The following CNTNAP3B variants were observed in gnomAD, a reference collection of about 807,000 sequenced individuals.
CNTNAP3B encodes contactin associated protein family member 3B.
Under a neutral mutation model 108.9 loss-of-function variants are expected in CNTNAP3B, and 25 were observed. The observed-to-expected ratio is 0.23, with a 90% confidence interval of 0.17 to 0.32. The LOEUF is 0.32. CNTNAP3B is among the 10% of genes least tolerant of loss of function. The probability of loss-of-function intolerance (pLI) is 1.00; values close to 1 mark genes in which losing one functional copy is unlikely to be tolerated. For missense variants in CNTNAP3B, 252 were observed against 1,210.4 expected (o/e 0.21, Z 11.75); for synonymous variants, 103 against 473.4 (o/e 0.22, Z 10.16).
rs192759571 is a variant in CNTNAP3B, at chr9:42,107,953, C to T, written c.86-3214G>A. 8.8e-5 allele frequency among the ~76,000 whole-genome samples: 10 copies of T among 113,178 alleles called. 2 individuals are homozygous for T. The highest frequency in any genetic ancestry group is 2.9e-4 in the South Asian group (1 of 3,492). The allele number at this position is 113,178 out of a possible 152,430, so 74.2% of individuals were successfully genotyped here. A position where few individuals can be genotyped will look rare whatever the true frequency, so the allele number is the denominator to read the frequency against. On this transcript the variant is annotated intron_variant, in intron 1 of 23. Transcript: ENST00000377561. ...TGGTGCCAGTACACTCTAGGCTGGGCGACAGAGAAAGACTCCGTCTTAAAA... is the reference window on the plus strand; with the variant it reads ...TGGTGCCAGTACACTCTAGGCTGGGTGACAGAGAAAGACTCCGTCTTAAAA...
intron 3 of CNTNAP3B, among the ~76,000 whole-genome samples, chr9:42,035,806 T>C (rs1424071253): frequency 4.0e-5 from 6 of 149,038 alleles, no homozygotes; most frequent in African/African-American, 1.5e-4. Context: ...TACAGGTGTG[T>C]GCCACTATGC....
intron 2 of CNTNAP3B, among the ~76,000 whole-genome samples, chr9:42,099,831 A>AT (rs1297178738): frequency 1.4e-5 from 1 of 73,718 alleles, no homozygotes; most frequent in East Asian, 7.2e-4. Flanking sequence ...AAGCATATAT[A>AT]TTTTTTAATT....
chr9:41,940,236 C>T (rs1313770385), intron 13 of CNTNAP3B, among the ~76,000 whole-genome samples: 1 of 152,416 alleles, frequency 6.6e-6, no homozygotes, highest in East Asian at 1.9e-4. Context: ...TACAAACCCA[C>T]AGATTTAGGA....
intron 13 of CNTNAP3B, among the ~76,000 whole-genome samples, chr9:41,952,195 C>T (rs1288835583): frequency 6.6e-6 from 1 of 152,238 alleles, no homozygotes; most frequent in African/African-American, 2.4e-5. Flanking sequence ...TCATACACCA[C>T]TTTCCAACTT....
chr9:42,003,718 A>G (rs1826046818), intron 4 of CNTNAP3B, among the ~76,000 whole-genome samples: 1 of 137,868 alleles, frequency 7.3e-6, no homozygotes, highest in Admixed American at 7.3e-5. Context: ...CTAGCACTTT[A>G]GGAGGCAAAG....
rs1361508898 is a variant in CNTNAP3B at position 42,119,486 on chromosome 9, G to A, written c.85+9524C>T. On this transcript the variant is annotated intron_variant, in intron 1 of 23. Transcript: ENST00000377561. ...CAGAATTGGAAAAAACTACTTTAAA[G>A]TTCATATGGAACCAAAAAAGAGCCC... Among the ~76,000 whole-genome samples the A allele has an allele frequency of 1.8e-4, 23 of 125,598 alleles. 1 individual carries two copies. The highest frequency in any genetic ancestry group is 1.3e-4 in the Non-Finnish European group (8 of 60,014). 82.4% of individuals were successfully genotyped at this position (125,598 alleles called of 152,430 possible).
chr9:41,965,106 G>A (rs1371920217), intron 10 of CNTNAP3B, among the ~76,000 whole-genome samples: 2 of 152,406 alleles, frequency 1.3e-5, no homozygotes, highest in African/African-American at 2.4e-5. Flanking sequence ...ATTTAATTTA[G>A]GTCATCTTGT....
intron 13 of CNTNAP3B, among the ~76,000 whole-genome samples, chr9:41,943,970 G>A (rs1267743487): frequency 2.6e-5 from 4 of 152,174 alleles, no homozygotes. Flanking sequence ...TACCTACATA[G>A]GAGCAAGAAT....
rs1187103203 is a variant in CNTNAP3B at position 42,011,930 on chromosome 9, GT to G, written c.538+1447del. Reference sequence around the variant, plus strand: ...ACATATTATCTGTCTGCATGTTTGGGTTTTTTTACTAGTAGTCCCTTACAGC... The same window carrying G: ...ACATATTATCTGTCTGCATGTTTGGGTTTTTTACTAGTAGTCCCTTACAGC... On this transcript the variant is annotated intron_variant, in intron 4 of 23. Transcript: ENST00000377561. 5.1e-5 allele frequency among the ~76,000 whole-genome samples: 5 copies of G among 97,102 alleles called. 1 individual carries two copies. In the South Asian group the frequency reaches 1.6e-3, roughly 30 times the overall value. 63.7% of individuals were successfully genotyped at this position (97,102 alleles called of 152,430 possible).
intron 13 of CNTNAP3B, among the ~76,000 whole-genome samples, chr9:41,952,056 G>C (rs1193783033): frequency 6.6e-6 from 1 of 152,380 alleles, no homozygotes; most frequent in South Asian, 2.1e-4. Flanking sequence ...TCCAGCCTGG[G>C]TGACAGAGAG....
At chr9:42,070,179 CG>C (rs1319106558) in intron 3 of CNTNAP3B, among the ~76,000 whole-genome samples, 1 of 149,910 alleles carries the variant, frequency 6.7e-6, no homozygotes, top group Non-Finnish European at 1.5e-5. Flanking sequence ...TTGCTTCAAG[CG>C]ACTAAAGAAT....
At chr9:41,926,021 C>G (rs1823809430) in intron 15 of CNTNAP3B, among the ~76,000 whole-genome samples, 3 of 152,286 alleles carry the variant, frequency 2.0e-5, no homozygotes, top group Admixed American at 2.0e-4. Flanking sequence ...GTATCTCTCT[C>G]TCTCTCTCTC....
intron 2 of CNTNAP3B, among the ~76,000 whole-genome samples, chr9:42,102,880 T>C (rs1347495237): frequency 1.3e-5 from 1 of 77,420 alleles, no homozygotes; most frequent in Non-Finnish European, 2.5e-5. Context: ...CAAAACCAAT[T>C]TAAAAAAGCA....
chr9:41,918,086 G>A (rs1170238240), intron 18 of CNTNAP3B, among the ~76,000 whole-genome samples: 1 of 152,080 alleles, frequency 6.6e-6, no homozygotes, highest in Non-Finnish European at 1.5e-5. Flanking sequence ...TCGTATGAGA[G>A]AGGGTTTACA....
intron 6 of CNTNAP3B, among the ~76,000 whole-genome samples, chr9:41,997,279 A>C (rs1587187654): frequency 1.3e-5 from 2 of 151,932 alleles, no homozygotes; most frequent in Non-Finnish European, 2.9e-5. Flanking sequence ...TTTCAAATGA[A>C]ATATATTCAA....
At chr9:42,041,011 TGCTGGGAAAACTGGC>T (rs1826738467) in intron 3 of CNTNAP3B, among the ~76,000 whole-genome samples, 1 of 74,870 alleles carries the variant, frequency 1.3e-5, no homozygotes, top group Non-Finnish European at 2.6e-5. Context: ...TAATAAATGG[TGCTGGGAAAACTGGC>T]TAGCCATATG....
At chr9:41,931,824 GAA>G (rs1823987564) in intron 14 of CNTNAP3B, among the ~76,000 whole-genome samples, 1 of 143,912 alleles carries the variant, frequency 6.9e-6, no homozygotes, top group African/African-American at 2.7e-5. Flanking sequence ...GTCTAGTAGA[GAA>G]AATGCAATTT....
chr9:41,964,561 T>G lies in CNTNAP3B; in HGVS notation c.1733A>C (p.Tyr578Ser), dbSNP rs1236403969. ...TFSCDCLGTGYTGETCHSSLY... is the reference protein window; with the variant it reads ...TFSCDCLGTGSTGETCHSSLY... ...ACAGGAATGGCAGGTCTCGCCCGTATAGCCTGTGCCTAGACAGTCACAGGA... is the reference window on the plus strand; with the variant it reads ...ACAGGAATGGCAGGTCTCGCCCGTAGAGCCTGTGCCTAGACAGTCACAGGA... Residue 578 changes from tyrosine (Y) to serine (S), a missense_variant, in exon 11 of 24, where the codon TAT (tyrosine) becomes TCT (serine). Transcript: ENST00000377561. 6.5e-7 allele frequency: 1 copy of G among 1,546,834 alleles called. No homozygotes were observed. The highest frequency in any genetic ancestry group is 1.2e-5 in the South Asian group (1 of 82,910).
At chr9:41,995,462 C>CA (rs1294327621) in intron 7 of CNTNAP3B, among the ~76,000 whole-genome samples, 1 of 124,830 alleles carries the variant, frequency 8.0e-6, no homozygotes, top group African/African-American at 3.4e-5. Flanking sequence ...AAAACAAAAA[C>CA]AAAAAAAGTG....
Sources: gnomAD v4.1 joint callset for allele counts (sites outside exome capture counted in the v4.1 genomes callset) on GRCh38, gnomAD v4.1.1 for gene constraint, MANE v1.5 for transcripts, NCBI Gene and HGNC (gene_info 2026-07-23, HGNC 2026-07-21) for gene names.